Variants in FBXO31 observed in about 807,000 individuals in gnomAD.
FBXO31 encodes F-box only protein 31.
A neutral mutation model predicts 54.4 loss-of-function variants in FBXO31; 24 were observed. That is an observed-to-expected ratio of 0.44 (90% CI 0.32 to 0.62). The LOEUF (loss-of-function observed/expected upper bound fraction) is 0.62, where lower values mean the gene tolerates loss of function less well. Ranked by LOEUF, FBXO31 falls within the 20% of genes least tolerant of loss-of-function variation. The pLI is 0.05. For missense variants in FBXO31, 665 were observed against 787.1 expected, an observed-to-expected ratio of 0.84 and a Z score of 1.86; for synonymous variants, 388 against 335.6, an observed-to-expected ratio of 1.16 and a Z score of -1.71.
chr16:87,389,105 G>T (rs1423203387), intron 1 of FBXO31, among the ~76,000 whole-genome samples: 1 of 151,680 alleles, frequency 6.6e-6, no homozygotes, highest in African/African-American at 2.4e-5. Flanking sequence ...GTTACATGAA[G>T]TTGTTTCTTA....
chr16:87,343,672 G>A lies in FBXO31; in HGVS notation c.583C>T (p.His195Tyr). ...GTGGCAGCCTTCCTCTCCATCAGGT[G>A]GATCCTGAACAGAGGCTTGAATCTC... The part of the protein sequence containing the change: ...PMRFKPLFRI[H>Y]LMERKAATVE... Residue 195 changes from histidine to tyrosine, a missense_variant, in exon 4 of 9, where the codon CAC becomes TAC. Coordinates refer to ENST00000311635, the MANE Select transcript of FBXO31 (RefSeq NM_024735.5). 6.2e-7 allele frequency: 1 copy of A among 1,614,220 alleles called. No individual in the cohort carries two copies. Among genetic ancestry groups the A allele is most frequent in the Non-Finnish European group, 8.5e-7 (1 of 1,180,022 alleles).
intron 2 of FBXO31, among the ~76,000 whole-genome samples, chr16:87,357,596 G>A (rs893609378): frequency 5.9e-5 from 9 of 151,966 alleles, no homozygotes; most frequent in African/African-American, 1.4e-4. Flanking sequence ...CCAAAGCACT[G>A]GGATTACAGG....
chr16:87,335,368 C>G lies in FBXO31; in HGVS notation c.932G>C (p.Ser311Thr). The change falls in exon 7 of 9, where the codon AGC becomes ACC. Residue 311 changes from serine (S) to threonine (T), a missense_variant. Ser to Thr is a moderately conservative substitution (Grantham distance 58, BLOSUM62 1). Around this residue, in one of 4 missense-constraint regions of FBXO31, gnomAD observed 234 missense variants for 346.8 expected, o/e 0.67. Transcript: ENST00000311635. The surrounding 1 kb of genome is among the most constrained non-coding windows in gnomAD (Gnocchi z 5.7). ...KPGLFKGTYG[S>T]HGLEIVMLSF... ...GAGCATCACAATCTCCAGGCCGTGG[C>G]TGCCATAGGTACCTTTGAAGAGGCC... 1 of 1,614,058 alleles carries G rather than the reference C, an allele frequency of 6.2e-7. No homozygotes were observed. The highest frequency in any genetic ancestry group is 1.3e-5 in the African/African-American group (1 of 75,076).
At chr16:87,354,496 T>G (rs923066693) in intron 2 of FBXO31, among the ~76,000 whole-genome samples, 6 of 151,608 alleles carry the variant, frequency 4.0e-5, no homozygotes, top group African/African-American at 1.5e-4. Flanking sequence ...AAATGCACTT[T>G]GACTGGCTTC....
Position 87,334,175 on chromosome 16 carries a change from C to T in FBXO31, c.1108G>A (p.Val370Ile), listed in dbSNP as rs759336487. ...QRNFNELSRI[V>I]LEVRERVRQE... ...CGCACCCTCTCGCGCACCTCCAGGACGATGCGGGAGAGCTCATTGAAGTTG... is the reference window on the plus strand; with the variant it reads ...CGCACCCTCTCGCGCACCTCCAGGATGATGCGGGAGAGCTCATTGAAGTTG... The change falls in exon 8 of 9, where the codon GTC becomes ATC. Residue 370 changes from valine (V) to isoleucine (I), a missense_variant. Coordinates refer to ENST00000311635, the MANE Select transcript of FBXO31 (RefSeq NM_024735.5). The T allele has an allele frequency of 1.7e-5, 27 of 1,612,848 alleles. 1 individual carries two copies. The highest frequency in any genetic ancestry group is 1.6e-4 in the Middle Eastern group (1 of 6,080).
upstream of FBXO31, among the ~76,000 whole-genome samples, chr16:87,387,384 G>A (rs974848455): frequency 2.6e-5 from 4 of 152,190 alleles, no homozygotes; most frequent in African/African-American, 4.8e-5. Context: ...ACACTATGAT[G>A]AGGCTTTACA....
chr16:87,351,127 G>A (rs772081850), intron 2 of FBXO31, among the ~76,000 whole-genome samples: 88 of 152,324 alleles, frequency 5.8e-4, no homozygotes, highest in African/African-American at 1.9e-3. Flanking sequence ...AGACTTCCTC[G>A]TGGAATCGCA....
upstream of FBXO31, chr16:87,389,976 A>T (rs181771662): frequency 9.9e-5 from 15 of 152,258 alleles, no homozygotes; most frequent in African/African-American, 3.4e-4. Flanking sequence ...ATGCACCGTT[A>T]TTTCACAAAA....
At chr16:87,354,911 G>A (rs1905827691) in intron 2 of FBXO31, among the ~76,000 whole-genome samples, 1 of 152,214 alleles carries the variant, frequency 6.6e-6, no homozygotes, top group South Asian at 2.1e-4. Context: ...AGGTTGCAAT[G>A]AGCCAAGATC....
chr16:87,377,051 C>CT (rs1382771583), intron 1 of FBXO31, among the ~76,000 whole-genome samples: 1 of 152,262 alleles, frequency 6.6e-6, no homozygotes, highest in Non-Finnish European at 1.5e-5. Context: ...CCACAATGAA[C>CT]TCGTGAAACT....
rs1207209772 is a variant in FBXO31, at chr16:87,363,045, C to T, written c.341-2679G>A. Among the ~76,000 whole-genome samples, 4 of 152,124 alleles carry T rather than the reference C, an allele frequency of 2.6e-5. No homozygotes were observed. The South Asian group carries it at 8.3e-4, about 32-fold the overall frequency. Reference sequence around the variant, plus strand: ...GCTCTGACAACCATCCAGGCTGACTCCTGCTAGTAATGACAGAGAAAAAAC... The same window carrying T: ...GCTCTGACAACCATCCAGGCTGACTTCTGCTAGTAATGACAGAGAAAAAAC... On this transcript the variant is annotated intron_variant, in intron 1 of 8. Transcript: ENST00000311635.
At chr16:87,333,038 G>T (rs1031333968) in intron 8 of FBXO31, among the ~76,000 whole-genome samples, 1 of 152,176 alleles carries the variant, frequency 6.6e-6, no homozygotes, top group African/African-American at 2.4e-5. Flanking sequence ...CTGAGGGCCT[G>T]GATTTTTCAT....
chr16:87,371,773 G>A (rs373656846), intron 1 of FBXO31, among the ~76,000 whole-genome samples: 64 of 152,348 alleles, frequency 4.2e-4, no homozygotes, highest in African/African-American at 1.5e-3. Flanking sequence ...AGCGCGCAGC[G>A]CCAGGACCTC....
chr16:87,366,138 G>A (rs988870221), intron 1 of FBXO31, among the ~76,000 whole-genome samples: 1 of 152,198 alleles, frequency 6.6e-6, no homozygotes, highest in African/African-American at 2.4e-5. Context: ...TGCCACGGGG[G>A]CTCCCAGATG....
chr16:87,365,853 C>A (rs1339791450), intron 1 of FBXO31, among the ~76,000 whole-genome samples: 5 of 152,082 alleles, frequency 3.3e-5, no homozygotes, highest in African/African-American at 9.7e-5. Flanking sequence ...CATGATGAAA[C>A]CCGGTCTCTA....
rs1026891848 is a variant in FBXO31 at position 87,343,892 on chromosome 16, G to A, written c.490-127C>T. On this transcript the variant is annotated intron_variant, in intron 3 of 8. Coordinates refer to ENST00000311635, the MANE Select transcript of FBXO31 (RefSeq NM_024735.5). ...CCAGACCAGCACATGGGACCTGCAC[G>A]CCCACCCTCGAGGTGCCTCGAATCC... 9.7e-5 allele frequency: 94 copies of A among 969,108 alleles called. 1 individual carries two copies. In the Admixed American group the frequency reaches 1.3e-3, roughly 13 times the overall value. 60.0% of individuals were successfully genotyped at this position (969,108 alleles called of 1,614,324 possible).
rs149897733 is a variant in FBXO31 at position 87,330,893 on chromosome 16, C to T, written c.*395G>A. 713 of 216,306 alleles carry T rather than the reference C, an allele frequency of 3.3e-3. 3 individuals are homozygous for T. The highest frequency in any genetic ancestry group is 0.015 in the African/African-American group (639 of 43,614). 13.4% of individuals were successfully genotyped at this position (216,306 alleles called of 1,614,324 possible). A position where few individuals can be genotyped will look rare whatever the true frequency, so the allele number is the denominator to read the frequency against. On this transcript the variant is annotated 3_prime_UTR_variant, in exon 9 of 9. Transcript: ENST00000311635. Reference sequence around the variant, plus strand: ...GGGTGGAGCACATGCGTCTCACACACGACCCAGTCTATCACTCTATCCGCT... The same window carrying T: ...GGGTGGAGCACATGCGTCTCACACATGACCCAGTCTATCACTCTATCCGCT...
At chr16:87,380,488 A>G (rs191078414) in intron 1 of FBXO31, among the ~76,000 whole-genome samples, 1 of 152,036 alleles carries the variant, frequency 6.6e-6, no homozygotes, top group African/African-American at 2.4e-5. Context: ...TGCAGCCTCG[A>G]CCGCCTCAGG....
chr16:87,331,812 A>C (rs559941717), intron 8 of FBXO31, among the ~76,000 whole-genome samples: 2 of 152,340 alleles, frequency 1.3e-5, no homozygotes, highest in East Asian at 3.9e-4. Context: ...GGATTCACCC[A>C]CTGACTGCAC....
Sources: gnomAD v4.1 joint callset for allele counts (sites outside exome capture counted in the v4.1 genomes callset) on GRCh38, gnomAD v4.1.1 for gene constraint, gnomAD v4.1.1 regional missense constraint, Gnocchi (gnomAD v3.1) non-coding constraint, MANE v1.5 for transcripts, NCBI Gene and HGNC (gene_info 2026-07-23, HGNC 2026-07-21) for gene names.